The following DPP10 variants were observed in gnomAD, a reference collection of about 807,000 sequenced individuals.
The protein encoded by DPP10 is dipeptidyl peptidase like 10.
A neutral mutation model predicts 120.9 loss-of-function variants in DPP10; 33 were observed. The observed-to-expected ratio is 0.27, with a 90% confidence interval of 0.21 to 0.37. The LOEUF is 0.37. DPP10 is among the 10% of genes least tolerant of loss of function. The probability of loss-of-function intolerance (pLI) is 1.00; values close to 1 mark genes in which losing one functional copy is unlikely to be tolerated. For missense variants in DPP10, 816 were observed against 942.8 expected (o/e 0.87, Z 1.76); for synonymous variants, 337 against 326.1 (o/e 1.03, Z -0.36).
rs115789303 is a variant in DPP10, at chr2:114,927,795, G to A, written c.61-381444G>A. 4.1e-3 allele frequency among the ~76,000 whole-genome samples: 623 copies of A among 152,262 alleles called. 1 individual carries two copies. The highest frequency in any genetic ancestry group is 0.014 in the African/African-American group (599 of 41,540). On this transcript the variant is annotated intron_variant, in intron 1 of 25. Coordinates refer to ENST00000410059, the MANE Select transcript of DPP10 (RefSeq NM_020868.6). Reference sequence around the variant, plus strand: ...AATGGTTCTGCAGGCTGTACAAGACGCATGACACTGGCATCCATATGCTCA... The same window carrying A: ...AATGGTTCTGCAGGCTGTACAAGACACATGACACTGGCATCCATATGCTCA...
intron 3 of DPP10, among the ~76,000 whole-genome samples, chr2:115,472,512 C>A (rs1171214637): frequency 6.6e-6 from 1 of 152,050 alleles, no homozygotes; most frequent in Admixed American, 6.6e-5. Context: ...GTTTTCATAT[C>A]CAGTGTACAT....
chr2:115,489,453 C>T (rs1574997103), intron 3 of DPP10, among the ~76,000 whole-genome samples: 1 of 151,882 alleles, frequency 6.6e-6, no homozygotes, highest in African/African-American at 2.4e-5. Context: ...TATCTCCTTC[C>T]TTTTGGAATT....
At chr2:115,331,907 A>C (rs1468190130) in intron 2 of DPP10, among the ~76,000 whole-genome samples, 6 of 152,058 alleles carry the variant, frequency 3.9e-5, no homozygotes, top group African/African-American at 1.2e-4. Context: ...TGTCTCTGCC[A>C]GGCTTTGGTA....
chr2:115,751,502 C>T (rs760505967), intron 10 of DPP10, among the ~76,000 whole-genome samples: 13 of 152,116 alleles, frequency 8.5e-5, no homozygotes, highest in Non-Finnish European at 1.8e-4. Flanking sequence ...AAGCAGAGCT[C>T]AGCTAGTTGT....
At chr2:114,928,849 T>C (rs1321929622) in intron 1 of DPP10, among the ~76,000 whole-genome samples, 1 of 152,214 alleles carries the variant, frequency 6.6e-6, no homozygotes, top group Non-Finnish European at 1.5e-5. Context: ...CAAGGCTTCC[T>C]GCTTACACAC....
At chr2:114,683,736 G>A (rs72826525) in intron 1 of DPP10, among the ~76,000 whole-genome samples, 1,521 of 151,932 alleles carry the variant, frequency 0.01, 9 homozygotes, top group Middle Eastern at 0.027. Context: ...GGACAGTGCA[G>A]CTCAGCCCTT....
At chr2:114,619,336 T>G (rs1693908271) in intron 1 of DPP10, among the ~76,000 whole-genome samples, 1 of 151,886 alleles carries the variant, frequency 6.6e-6, no homozygotes, top group South Asian at 2.1e-4. Flanking sequence ...GCTAGAAGTA[T>G]TTTAAAGAAC....
At chr2:115,183,029 ACG>A (rs1369595468) in intron 1 of DPP10, among the ~76,000 whole-genome samples, 2 of 144,642 alleles carry the variant, frequency 1.4e-5, no homozygotes, top group Non-Finnish European at 3.1e-5. Flanking sequence ...ACACACACAC[ACG>A]TACGTGCATG....
intron 1 of DPP10, among the ~76,000 whole-genome samples, chr2:115,227,125 C>G (rs1023214927): frequency 6.6e-6 from 1 of 152,074 alleles, no homozygotes. Flanking sequence ...AAGATATTTG[C>G]GTGGGACCAA....
chr2:114,989,651 A>G (rs983510540), intron 1 of DPP10, among the ~76,000 whole-genome samples: 1 of 152,232 alleles, frequency 6.6e-6, no homozygotes, highest in African/African-American at 2.4e-5. Flanking sequence ...GAACAAAGAT[A>G]ACTGAGAAAG....
chr2:114,725,012 A>G (rs1701952601), intron 1 of DPP10, among the ~76,000 whole-genome samples: 1 of 152,158 alleles, frequency 6.6e-6, no homozygotes, highest in Non-Finnish European at 1.5e-5. Context: ...AGGAGCATCT[A>G]TTTTGGTTTC....
chr2:115,165,912 T>C (rs1208147548), intron 1 of DPP10, among the ~76,000 whole-genome samples: 1 of 152,238 alleles, frequency 6.6e-6, no homozygotes, highest in Non-Finnish European at 1.5e-5. Flanking sequence ...GCACTTGTTA[T>C]GCATTTTCTT....
intron 5 of DPP10, among the ~76,000 whole-genome samples, chr2:115,568,256 G>A (rs565477507): frequency 2.0e-5 from 3 of 151,836 alleles, no homozygotes; most frequent in Non-Finnish European, 4.4e-5. Flanking sequence ...AGACTGAGGC[G>A]GGCAGATCAC....
intron 3 of DPP10, among the ~76,000 whole-genome samples, chr2:115,433,810 GC>G (rs1332047448): frequency 1.3e-5 from 2 of 151,906 alleles, no homozygotes; most frequent in African/African-American, 4.8e-5. Flanking sequence ...AGCTAAATGA[GC>G]TTTTTATTGA....
chr2:114,649,831 T>C (rs1159976040), intron 1 of DPP10, among the ~76,000 whole-genome samples: 1 of 152,160 alleles, frequency 6.6e-6, no homozygotes, highest in East Asian at 1.9e-4. Flanking sequence ...TTTTTCATCA[T>C]TGATCTTTAA....
rs558853491 is a variant in DPP10, at chr2:115,843,191, G to A, written c.*846G>A. ...GCTATTGCTTTCCTATAAATGTTTG[G>A]GTTGTGTTTGGTATTGTTTTTAGTG... On this transcript the variant is annotated 3_prime_UTR_variant, in exon 26 of 26. Coordinates refer to ENST00000410059, the MANE Select transcript of DPP10 (RefSeq NM_020868.6). The A allele has an allele frequency of 3.3e-5, 5 of 152,536 alleles. No homozygotes were observed. Among genetic ancestry groups the A allele is most frequent in the Non-Finnish European group, 7.4e-5 (5 of 67,998 alleles). 9.4% of individuals were successfully genotyped at this position (152,536 alleles called of 1,614,324 possible).
chr2:115,051,168 T>G (rs1311067806), intron 1 of DPP10, among the ~76,000 whole-genome samples: 7 of 152,194 alleles, frequency 4.6e-5, no homozygotes, highest in Non-Finnish European at 1.0e-4. Flanking sequence ...TGCCTCTGAT[T>G]AACCTGAGAC....
At chr2:114,526,123 G>A (rs1172709112) in intron 1 of DPP10, among the ~76,000 whole-genome samples, 1 of 152,186 alleles carries the variant, frequency 6.6e-6, no homozygotes, top group Admixed American at 6.5e-5. Flanking sequence ...ATAGTAATCT[G>A]ATTGTGAACA....
chr2:115,620,076 G>A (rs1171972170), intron 5 of DPP10, among the ~76,000 whole-genome samples: 2 of 152,136 alleles, frequency 1.3e-5, no homozygotes, highest in African/African-American at 4.8e-5. Context: ...ACTGCTGTTC[G>A]TTGCAATATA....
Sources: gnomAD v4.1 joint callset for allele counts (sites outside exome capture counted in the v4.1 genomes callset) on GRCh38, gnomAD v4.1.1 for gene constraint, MANE v1.5 for transcripts, NCBI Gene and HGNC (gene_info 2026-07-23, HGNC 2026-07-21) for gene names.